CACNA2D3: variants seen among roughly 807,000 people sequenced by gnomAD.
CACNA2D3 encodes the protein voltage-dependent calcium channel subunit alpha-2/delta-3.
Under a neutral mutation model 160.6 loss-of-function variants are expected in CACNA2D3, and 60 were observed. The ratio of observed to expected loss-of-function variants is 0.37; its 90% CI spans 0.30 to 0.46. The LOEUF (loss-of-function observed/expected upper bound fraction) is 0.46, where lower values mean the gene tolerates loss of function less well. Ranked by LOEUF, CACNA2D3 falls within the 20% of genes least tolerant of loss-of-function variation. The pLI, the probability that CACNA2D3 is intolerant of heterozygous loss-of-function variation, is 1.00. For synonymous variants in CACNA2D3, 558 were observed against 492.9 expected (o/e 1.13, Z -1.75); for missense variants, 1,205 against 1,365.0 (o/e 0.88, Z 1.85).
chr3:54,440,192 G>A (rs1006382670), intron 4 of CACNA2D3, among the ~76,000 whole-genome samples: 3 of 152,142 alleles, frequency 2.0e-5, no homozygotes, highest in Admixed American at 1.3e-4. Context: ...ATGCATGAAT[G>A]GTTATACCTA....
chr3:54,243,981 A>G (rs1702021005), intron 2 of CACNA2D3, among the ~76,000 whole-genome samples: 1 of 152,196 alleles, frequency 6.6e-6, no homozygotes, highest in Non-Finnish European at 1.5e-5. Context: ...CCTGGCAGAT[A>G]CAGGAGTCCT....
At chr3:54,861,886 C>A (rs79657085) in intron 17 of CACNA2D3, among the ~76,000 whole-genome samples, 1 of 152,162 alleles carries the variant, frequency 6.6e-6, no homozygotes. Flanking sequence ...TTACAAGGGA[C>A]ATTTGGCTTT....
At chr3:54,404,984 C>G (rs997885067) in intron 4 of CACNA2D3, among the ~76,000 whole-genome samples, 3 of 128,338 alleles carry the variant, frequency 2.3e-5, no homozygotes, top group African/African-American at 6.4e-5. Context: ...ACACTGAAAA[C>G]TATAAAACAT....
chr3:54,153,519 T>A (rs1576963358), intron 2 of CACNA2D3, among the ~76,000 whole-genome samples: 1 of 152,174 alleles, frequency 6.6e-6, no homozygotes, highest in Admixed American at 6.5e-5. Flanking sequence ...TTATGAAGGT[T>A]GAAAAAGACA....
intron 11 of CACNA2D3, among the ~76,000 whole-genome samples, chr3:54,665,453 C>T (rs1182594623): frequency 2.0e-5 from 3 of 152,214 alleles, no homozygotes; most frequent in South Asian, 2.1e-4. Context: ...GCTTTATTTA[C>T]AGCCACAGAA....
Position 55,053,403 on chromosome 3 carries a change from G to C in CACNA2D3, c.2988-20042G>C, listed in dbSNP as rs188284663. Among the ~76,000 whole-genome samples the C allele has an allele frequency of 2.4e-3, 367 of 152,050 alleles. 2 individuals are homozygous for C. Among genetic ancestry groups the C allele is most frequent in the Admixed American group, 3.9e-3 (59 of 15,292 alleles). ...TAAAATAAGGAAATCAGTATAGATA[G>C]AACTGACATCTTAACAACACTGGGA... On this transcript the variant is annotated intron_variant, in intron 35 of 37. Transcript: ENST00000474759.
intron 27 of CACNA2D3, among the ~76,000 whole-genome samples, chr3:54,919,560 A>G (rs934286316): frequency 6.6e-6 from 1 of 152,132 alleles, no homozygotes; most frequent in South Asian, 2.1e-4. Flanking sequence ...CATTACCTGT[A>G]AGGTGATTGA....
chr3:54,820,384 G>A (rs1169012672), intron 14 of CACNA2D3, among the ~76,000 whole-genome samples: 1 of 152,004 alleles, frequency 6.6e-6, no homozygotes, highest in Non-Finnish European at 1.5e-5. Flanking sequence ...TATTTTGAGG[G>A]TCTTCCAAAA....
chr3:54,871,441 C>T (rs977052338), intron 17 of CACNA2D3, 98 bp from the exon 18 acceptor site: 27 of 865,676 alleles, frequency 3.1e-5, no homozygotes, highest in Middle Eastern at 4.4e-4. Context: ...ACTCCCAAGC[C>T]CTGTCCATGA....
chr3:54,328,731 C>T (rs1704175133), intron 3 of CACNA2D3, among the ~76,000 whole-genome samples: 1 of 152,178 alleles, frequency 6.6e-6, no homozygotes, highest in African/African-American at 2.4e-5. Flanking sequence ...GTGCTGATCC[C>T]CATCCTCCCA....
At chr3:54,189,483 A>C (rs1296539659) in intron 2 of CACNA2D3, among the ~76,000 whole-genome samples, 2 of 152,206 alleles carry the variant, frequency 1.3e-5, no homozygotes, top group African/African-American at 4.8e-5. Context: ...ATTCCTTGCT[A>C]TCCCATCCTT....
intron 14 of CACNA2D3, among the ~76,000 whole-genome samples, chr3:54,823,491 C>T (rs946507695): frequency 1.3e-5 from 2 of 152,064 alleles, no homozygotes; most frequent in African/African-American, 4.8e-5. Flanking sequence ...GCCTTTGACT[C>T]AACAACCCTC....
At chr3:54,786,390 A>G (rs974874680) in intron 13 of CACNA2D3, among the ~76,000 whole-genome samples, 27 of 152,274 alleles carry the variant, frequency 1.8e-4, no homozygotes, top group Admixed American at 3.3e-4. Flanking sequence ...AGTTGAATCT[A>G]TTTACCTAAT....
intron 5 of CACNA2D3, among the ~76,000 whole-genome samples, chr3:54,523,254 A>G (rs1044271599): frequency 6.6e-6 from 1 of 152,234 alleles, no homozygotes; most frequent in Non-Finnish European, 1.5e-5. Context: ...TAATCATGAA[A>G]GGGTTTGGAT....
At chr3:54,607,602 C>G (rs1018618952) in intron 9 of CACNA2D3, among the ~76,000 whole-genome samples, 3 of 152,146 alleles carry the variant, frequency 2.0e-5, no homozygotes, top group African/African-American at 7.2e-5. Context: ...TTGGATCTCT[C>G]ATAGGTTGTT....
intron 2 of CACNA2D3, among the ~76,000 whole-genome samples, chr3:54,147,433 G>C (rs1172826591): frequency 6.6e-6 from 1 of 152,246 alleles, no homozygotes; most frequent in African/African-American, 2.4e-5. Context: ...CTCTGGTAAA[G>C]GAGGGACCAA....
chr3:54,934,541 G>C (rs970406999), intron 27 of CACNA2D3, among the ~76,000 whole-genome samples: 1 of 152,134 alleles, frequency 6.6e-6, no homozygotes, highest in Non-Finnish European at 1.5e-5. Context: ...TAAAATTAGT[G>C]GAGTAGTGGG....
intron 5 of CACNA2D3, among the ~76,000 whole-genome samples, chr3:54,539,567 T>G (rs1701939240): frequency 6.6e-6 from 1 of 152,238 alleles, no homozygotes; most frequent in African/African-American, 2.4e-5. Flanking sequence ...TACTTTTGCT[T>G]TCCTGACCAA....
At position 55,073,861 on chromosome 3, in the gene CACNA2D3, T is replaced by TAAGTC. The variant is rs1223425083; in HGVS notation, c.3183+3_3183+7dup. ...TCTTGTCATGGCTTCCATCCTGAGGTAAGTCTGAGAACTGTTCCTGTTTCC... is the reference window on the plus strand; with the variant it reads ...TCTTGTCATGGCTTCCATCCTGAGGTAAGTCAAGTCTGAGAACTGTTCCTGTTTCC... On this transcript the variant is annotated splice_region_variant and intron_variant, in intron 37 of 37. Coordinates refer to ENST00000474759, the MANE Select transcript of CACNA2D3 (RefSeq NM_018398.3). 3 of 1,612,086 alleles carry TAAGTC rather than the reference T, an allele frequency of 1.9e-6. No homozygotes were observed. The highest frequency in any genetic ancestry group is 2.7e-5 in the African/African-American group (2 of 74,890).
Sources: allele counts gnomAD v4.1 joint callset (sites outside exome capture counted in the v4.1 genomes callset), GRCh38; gene constraint gnomAD v4.1.1; transcripts MANE v1.5; gene names NCBI Gene and HGNC (gene_info 2026-07-23, HGNC 2026-07-21).